Variants in RPTOR observed in about 807,000 individuals in gnomAD.
The protein encoded by RPTOR is regulatory-associated protein of mTOR.
RPTOR carries 21 observed loss-of-function variants against 169.9 expected under a neutral mutation model. That is an observed-to-expected ratio of 0.12 (90% CI 0.09 to 0.18). RPTOR has a LOEUF of 0.18. RPTOR is among the 10% of genes least tolerant of loss of function. The probability of loss-of-function intolerance (pLI) is 1.00; values close to 1 mark genes in which losing one functional copy is unlikely to be tolerated. For missense variants in RPTOR, 1,133 were observed against 1,855.9 expected (o/e 0.61, Z 7.16); for synonymous variants, 732 against 753.2 (o/e 0.97, Z 0.46).
At chr17:80,811,129 T>A (rs998049655) in intron 7 of RPTOR, among the ~76,000 whole-genome samples, 3 of 152,218 alleles carry the variant, frequency 2.0e-5, no homozygotes, top group African/African-American at 7.2e-5. Context: ...ATGGACGCAA[T>A]ACAGCTGGGT....
chr17:80,906,040 C>T (rs2068538179), intron 20 of RPTOR, among the ~76,000 whole-genome samples: 1 of 152,144 alleles, frequency 6.6e-6, no homozygotes, highest in South Asian at 2.1e-4. Context: ...GAGTGGGTCT[C>T]AGGTGGGCAG....
intron 3 of RPTOR, among the ~76,000 whole-genome samples, chr17:80,690,814 A>G (rs1289718392): frequency 2.0e-5 from 3 of 151,786 alleles, no homozygotes; most frequent in Non-Finnish European, 1.5e-5. Context: ...TTTTTTTGCA[A>G]CAGGGGATCT....
intron 1 of RPTOR, among the ~76,000 whole-genome samples, chr17:80,571,511 G>A (rs960635151): frequency 2.2e-4 from 34 of 152,022 alleles, no homozygotes; most frequent in African/African-American, 8.0e-4. Flanking sequence ...CCTTTTGTTG[G>A]CAATAATTAT....
At chr17:80,910,622 C>T (rs1237595930) in intron 21 of RPTOR, among the ~76,000 whole-genome samples, 1 of 152,112 alleles carries the variant, frequency 6.6e-6, no homozygotes, top group Non-Finnish European at 1.5e-5. Flanking sequence ...CCTAGTCCAT[C>T]GCTTTTTCCA....
chr17:80,904,381 C>T lies in RPTOR; in HGVS notation c.2402-4430C>T, dbSNP rs543289431. On this transcript the variant is annotated intron_variant, in intron 20 of 33. Coordinates refer to ENST00000306801, the MANE Select transcript of RPTOR (RefSeq NM_020761.3). ...TCAGCCTTGGGGTGGCGGCTGGCAG[C>T]TGTCACCTGCAGGAAGACTCTGTCT... Among the ~76,000 whole-genome samples the T allele has an allele frequency of 1.2e-3, 182 of 152,302 alleles. 1 individual carries two copies. Among genetic ancestry groups the T allele is most frequent in the African/African-American group, 4.2e-3 (174 of 41,564 alleles).
At chr17:80,855,598 T>C (rs1481806566) in intron 12 of RPTOR, 51 bp downstream of exon 12, 5 of 1,334,430 alleles carry the variant, frequency 3.7e-6, no homozygotes, top group Non-Finnish European at 5.4e-6. Context: ...GGACAGAGAT[T>C]AGGCTCCGTG....
chr17:80,914,636 C>T (rs56006101), intron 21 of RPTOR, among the ~76,000 whole-genome samples: 6,688 of 152,330 alleles, frequency 0.044, 272 homozygotes, highest in African/African-American at 0.12. Flanking sequence ...TGCAACCAGC[C>T]GGCTGTGCAC....
intron 13 of RPTOR, among the ~76,000 whole-genome samples, chr17:80,859,556 G>A (rs2067893955): frequency 6.6e-6 from 1 of 152,198 alleles, no homozygotes; most frequent in Non-Finnish European, 1.5e-5. Context: ...TGCTCTGGGG[G>A]TGCCGCCACG....
chr17:80,698,936 A>G (rs1446174046), intron 3 of RPTOR, among the ~76,000 whole-genome samples: 3 of 152,098 alleles, frequency 2.0e-5, no homozygotes, highest in African/African-American at 7.2e-5. Flanking sequence ...TTGCTAGGTT[A>G]CCCTGGGTGC....
intron 7 of RPTOR, among the ~76,000 whole-genome samples, chr17:80,806,239 A>G (rs1173028852): frequency 6.6e-6 from 1 of 152,208 alleles, no homozygotes; most frequent in Non-Finnish European, 1.5e-5. Flanking sequence ...ATCCTCCTGG[A>G]GAAATTAACA....
Position 80,907,243 on chromosome 17 carries a change from A to G in RPTOR, c.2402-1568A>G, listed in dbSNP as rs567915925. Among the ~76,000 whole-genome samples, 10 of 152,388 alleles carry G rather than the reference A, an allele frequency of 6.6e-5. 2 individuals are homozygous for G. The highest frequency in any genetic ancestry group is 2.4e-4 in the African/African-American group (10 of 41,596). On this transcript the variant is annotated intron_variant, in intron 20 of 33. Transcript: ENST00000306801. ...AACCCTTTGAATCTCTATTTAGTGAACAAGCACTTGCTTCTCAGCAAATTG... is the reference window on the plus strand; with the variant it reads ...AACCCTTTGAATCTCTATTTAGTGAGCAAGCACTTGCTTCTCAGCAAATTG...
chr17:80,836,753 A>T (rs2067568670), intron 9 of RPTOR, among the ~76,000 whole-genome samples: 1 of 151,930 alleles, frequency 6.6e-6, no homozygotes, highest in African/African-American at 2.4e-5. Flanking sequence ...TGTTAGGACA[A>T]CACCGAGGCT....
chr17:80,604,716 A>G (rs2065215751), intron 1 of RPTOR, among the ~76,000 whole-genome samples: 2 of 152,200 alleles, frequency 1.3e-5, no homozygotes, highest in Admixed American at 1.3e-4. Context: ...CGCGTCTCAC[A>G]TGGTGGCAGG....
At chr17:80,795,353 G>T (rs941221557) in intron 7 of RPTOR, among the ~76,000 whole-genome samples, 1 of 152,186 alleles carries the variant, frequency 6.6e-6, no homozygotes, top group African/African-American at 2.4e-5. Flanking sequence ...ATTTTCATCA[G>T]ACGCCCTTTC....
intron 3 of RPTOR, among the ~76,000 whole-genome samples, chr17:80,703,090 G>T (rs1303164875): frequency 6.6e-6 from 1 of 152,174 alleles, no homozygotes; most frequent in African/African-American, 2.4e-5. Context: ...ACCGTGGCTT[G>T]TTCTTATTTT....
chr17:80,828,933 G>A (rs1406297666), intron 9 of RPTOR, among the ~76,000 whole-genome samples: 1 of 152,162 alleles, frequency 6.6e-6, no homozygotes, highest in Admixed American at 6.5e-5. Flanking sequence ...ACACCAAATT[G>A]CATCAGCAAT....
intron 5 of RPTOR, among the ~76,000 whole-genome samples, chr17:80,752,267 A>G (rs552728084): frequency 1.3e-5 from 2 of 152,324 alleles, no homozygotes; most frequent in South Asian, 4.1e-4. Context: ...ATGATAGTGC[A>G]GGAGGGACTT....
At chr17:80,661,241 A>G (rs1313175927) in intron 3 of RPTOR, among the ~76,000 whole-genome samples, 2 of 152,064 alleles carry the variant, frequency 1.3e-5, no homozygotes, top group Non-Finnish European at 2.9e-5. Context: ...CTTGCTCTCA[A>G]TGTCAGTATT....
chr17:80,550,860 C>T (rs571679150), intron 1 of RPTOR, among the ~76,000 whole-genome samples: 176 of 152,294 alleles, frequency 1.2e-3, no homozygotes, highest in African/African-American at 4.0e-3. Flanking sequence ...TCTTGCCCTA[C>T]AACCAGTTTT....
Sources: gnomAD v4.1 joint callset for allele counts (sites outside exome capture counted in the v4.1 genomes callset) on GRCh38, gnomAD v4.1.1 for gene constraint, MANE v1.5 for transcripts, NCBI Gene and HGNC (gene_info 2026-07-23, HGNC 2026-07-21) for gene names.